The following RERE variants were observed in gnomAD, a reference collection of about 807,000 sequenced individuals.
RERE encodes arginine-glutamic acid dipeptide repeats protein.
Under a neutral mutation model 146.1 loss-of-function variants are expected in RERE, and 40 were observed. The ratio of observed to expected loss-of-function variants is 0.27; its 90% CI spans 0.21 to 0.36. The LOEUF is 0.36. RERE is among the 10% of genes least tolerant of loss of function. The pLI, the probability that RERE is intolerant of heterozygous loss-of-function variation, is 1.00. For synonymous variants in RERE, 1,003 were observed against 866.0 expected, an observed-to-expected ratio of 1.16 and a Z score of -2.78; for missense variants, 1,933 against 2,138.7, an observed-to-expected ratio of 0.90 and a Z score of 1.90.
chr1:8,448,122 TG>T (rs1197139425), intron 11 of RERE, among the ~76,000 whole-genome samples: 1 of 152,256 alleles, frequency 6.6e-6, no homozygotes, highest in East Asian at 1.9e-4. Context: ...CTTCTTGAGG[TG>T]GGGAGTTCCT....
At chr1:8,564,824 A>ATGTG (rs1182779393) in intron 4 of RERE, among the ~76,000 whole-genome samples, 106 of 48,838 alleles carry the variant, frequency 2.2e-3, no homozygotes, top group Admixed American at 3.6e-3. Flanking sequence ...ATGTGTGTGT[A>ATGTG]TATGTGTATG....
chr1:8,736,109 C>T (rs1640190988), intron 1 of RERE, among the ~76,000 whole-genome samples: 1 of 152,146 alleles, frequency 6.6e-6, no homozygotes, highest in African/African-American at 2.4e-5. Context: ...TAGTAAAATG[C>T]AACTGTAGAA....
intron 12 of RERE, among the ~76,000 whole-genome samples, chr1:8,369,508 T>TTAAAA (rs1285019668): frequency 9.1e-5 from 7 of 76,890 alleles, no homozygotes; most frequent in African/African-American, 1.7e-4. Context: ...CGCCTTTTAC[T>TTAAAA]AAAAAAAAAA....
chr1:8,773,139 A>G (rs1399801134), intron 1 of RERE, among the ~76,000 whole-genome samples: 1 of 152,110 alleles, frequency 6.6e-6, no homozygotes, highest in African/African-American at 2.4e-5. Context: ...CTTTAATACA[A>G]TATCAACTAA....
chr1:8,539,625 T>TA (rs1219568260), intron 7 of RERE, among the ~76,000 whole-genome samples: 2 of 152,106 alleles, frequency 1.3e-5, no homozygotes, highest in Non-Finnish European at 2.9e-5. Flanking sequence ...AGGCTGGTCT[T>TA]AAACTCCTGA....
chr1:8,539,967 T>C (rs2124387659), intron 7 of RERE, among the ~76,000 whole-genome samples: 1 of 152,352 alleles, frequency 6.6e-6, no homozygotes, highest in East Asian at 1.9e-4. Flanking sequence ...AAGTTTTACA[T>C]ACGGTTTCTG....
chr1:8,516,372 G>A (rs533566793), intron 7 of RERE, among the ~76,000 whole-genome samples: 2 of 151,870 alleles, frequency 1.3e-5, no homozygotes, highest in Non-Finnish European at 2.9e-5. Flanking sequence ...CTATGAGGCA[G>A]TATCTCCATA....
intron 12 of RERE, among the ~76,000 whole-genome samples, chr1:8,377,786 T>A (rs1406524296): frequency 6.6e-6 from 1 of 152,062 alleles, no homozygotes; most frequent in East Asian, 1.9e-4. Flanking sequence ...GGACGAACGA[T>A]GAAGGATGAG....
intron 1 of RERE, among the ~76,000 whole-genome samples, chr1:8,774,405 G>A (rs189392761): frequency 1.4e-5 from 2 of 142,468 alleles, no homozygotes; most frequent in East Asian, 2.1e-4. Flanking sequence ...CCAGGCTGGA[G>A]TGCAATGGCG....
At chr1:8,382,943 T>C (rs1023714298) in intron 12 of RERE, among the ~76,000 whole-genome samples, 1 of 151,906 alleles carries the variant, frequency 6.6e-6, no homozygotes, top group Non-Finnish European at 1.5e-5. Flanking sequence ...AAAATCCTTT[T>C]CCATCTGGGA....
chr1:8,418,332 A>C (rs368527489), intron 12 of RERE, among the ~76,000 whole-genome samples: 2 of 152,340 alleles, frequency 1.3e-5, no homozygotes, highest in African/African-American at 4.8e-5. Flanking sequence ...CTCAAAAATA[A>C]AAAGAAAGAG....
chr1:8,401,715 T>C (rs1000501929), intron 12 of RERE, among the ~76,000 whole-genome samples: 3 of 151,512 alleles, frequency 2.0e-5, no homozygotes, highest in African/African-American at 4.9e-5. Flanking sequence ...AGCCGTGATG[T>C]ACCACTGCAC....
chr1:8,797,435 T>C (rs1165682726), intron 1 of RERE, among the ~76,000 whole-genome samples: 1 of 151,898 alleles, frequency 6.6e-6, no homozygotes, highest in Non-Finnish European at 1.5e-5. Flanking sequence ...ATCATTATTG[T>C]TCTTAAGGTG....
At chr1:8,385,993 AATATAT>A (rs1553159745) in intron 12 of RERE, among the ~76,000 whole-genome samples, 18 of 26,486 alleles carry the variant, frequency 6.8e-4, no homozygotes, top group Admixed American at 1.4e-3. Flanking sequence ...AAAAAAAAAA[AATATAT>A]ATATATATAT....
intron 2 of RERE, among the ~76,000 whole-genome samples, chr1:8,650,491 G>T (rs960732174): frequency 2.0e-5 from 3 of 152,146 alleles, no homozygotes; most frequent in Non-Finnish European, 4.4e-5. Flanking sequence ...ACTTGGAAGC[G>T]GTGGTTCACG....
Position 8,731,780 on chromosome 1 carries a change from TTTTGTTTG to T in RERE, c.-144-75347_-144-75340del, listed in dbSNP as rs751384177. On this transcript the variant is annotated intron_variant, in intron 1 of 22. Transcript: ENST00000400908. ...TCTGAAAAAGCTAAACATAATGTTT[TTTTGTTTG>T]TTTGTTTGTTTGTTTGTTTTGTTTT... Among the ~76,000 whole-genome samples the T allele has an allele frequency of 4.4e-4, 63 of 142,844 alleles. 1 individual carries two copies. The South Asian group carries it at 0.012, about 26-fold the overall frequency. The allele number at this position is 142,844 out of a possible 152,430, so 93.7% of individuals were successfully genotyped here.
chr1:8,500,583 GC>G (rs1393606076), intron 8 of RERE, among the ~76,000 whole-genome samples: 1 of 152,220 alleles, frequency 6.6e-6, no homozygotes, highest in Non-Finnish European at 1.5e-5. Context: ...CCAGCCGCCT[GC>G]CTTGGCCCCC....
intron 12 of RERE, among the ~76,000 whole-genome samples, chr1:8,419,368 C>T (rs542774747): frequency 7.6e-4 from 116 of 152,142 alleles, no homozygotes; most frequent in Non-Finnish European, 9.4e-4. Context: ...ACACCAGAAA[C>T]CAAAAGAGCT....
At chr1:8,672,245 C>T (rs1638736023) in intron 1 of RERE, among the ~76,000 whole-genome samples, 1 of 152,212 alleles carries the variant, frequency 6.6e-6, no homozygotes, top group Non-Finnish European at 1.5e-5. Flanking sequence ...ATGATCATGG[C>T]TCACTGCAGC....
Sources: gnomAD v4.1 joint callset for allele counts (sites outside exome capture counted in the v4.1 genomes callset) on GRCh38, gnomAD v4.1.1 for gene constraint, MANE v1.5 for transcripts, NCBI Gene and HGNC (gene_info 2026-07-23, HGNC 2026-07-21) for gene names.